The following ITPKB variants were observed in gnomAD, a reference collection of about 807,000 sequenced individuals.
ITPKB encodes the protein inositol-trisphosphate 3-kinase B.
A neutral mutation model predicts 69.4 loss-of-function variants in ITPKB; 13 were observed. The observed-to-expected ratio is 0.19, with a 90% confidence interval of 0.12 to 0.30. The LOEUF (loss-of-function observed/expected upper bound fraction) is 0.30. Among genes scored for constraint, ITPKB ranks in the 10% least tolerant of loss-of-function variants. ITPKB has a pLI of 1.00. For missense variants in ITPKB, 1,240 were observed against 1,250.5 expected, an observed-to-expected ratio of 0.99 and a Z score of 0.13; for synonymous variants, 584 against 513.7, an observed-to-expected ratio of 1.14 and a Z score of -1.85.
At chr1:226,729,203 G>T (rs559596834) in intron 2 of ITPKB, among the ~76,000 whole-genome samples, 7 of 152,174 alleles carry the variant, frequency 4.6e-5, no homozygotes, top group Non-Finnish European at 1.0e-4. Context: ...AGGAAATGAG[G>T]CCAGGCGCGG....
At chr1:226,672,731 T>G (rs953639889) in intron 2 of ITPKB, among the ~76,000 whole-genome samples, 4 of 152,206 alleles carry the variant, frequency 2.6e-5, no homozygotes, top group African/African-American at 7.2e-5. Context: ...AAAGAGCTGG[T>G]CCATGGGCAT....
chr1:226,704,433 C>T (rs1656754094), intron 2 of ITPKB, among the ~76,000 whole-genome samples: 2 of 152,186 alleles, frequency 1.3e-5, no homozygotes, highest in African/African-American at 4.8e-5. Flanking sequence ...AAAAGCTTCT[C>T]GTGTGTGCTA....
In ITPKB at chr1:226,637,929, T is replaced by C. The variant is rs911001617; in HGVS notation, c.2554-179A>G. Among the ~76,000 whole-genome samples, 1 of 152,228 alleles carries C rather than the reference T, an allele frequency of 6.6e-6. No individual in the cohort carries two copies. Among genetic ancestry groups the C allele is most frequent in the Non-Finnish European group, 1.5e-5 (1 of 68,030 alleles). On this transcript the variant is annotated intron_variant, in intron 6 of 7. Transcript: ENST00000429204. This position sits in a 1 kb window ranked among gnomAD's most constrained non-coding sequence, Gnocchi z 4.3. Reference sequence around the variant, plus strand: ...GCGTCTTTCTCAGCATAAATGTCAGTACCTTTGACTTTTGAAAGGACAGGG... The same window carrying C: ...GCGTCTTTCTCAGCATAAATGTCAGCACCTTTGACTTTTGAAAGGACAGGG...
intron 2 of ITPKB, among the ~76,000 whole-genome samples, chr1:226,662,276 C>T (rs1359965892): frequency 1.3e-5 from 2 of 152,156 alleles, no homozygotes; most frequent in African/African-American, 4.8e-5. Flanking sequence ...ATTTACAAAG[C>T]CAGGAATCTA....
chr1:226,700,588 C>T (rs890972266), intron 2 of ITPKB, among the ~76,000 whole-genome samples: 13 of 151,402 alleles, frequency 8.6e-5, no homozygotes, highest in African/African-American at 2.7e-4. Context: ...ATATGTGAGG[C>T]GCTTTACACA....
chr1:226,639,724 C>T, intron 5 of ITPKB, 66 bp from the exon 6 acceptor site: 1 of 1,055,522 alleles, frequency 9.5e-7, no homozygotes, highest in South Asian at 1.3e-5. Flanking sequence ...ACTGTTCTCA[C>T]CCACCCAACA....
intron 2 of ITPKB, among the ~76,000 whole-genome samples, chr1:226,664,910 C>T (rs1669468344): frequency 6.6e-6 from 1 of 152,210 alleles, no homozygotes; most frequent in Admixed American, 6.5e-5. Context: ...GTTTCCTCTT[C>T]CCTTTCCTTT....
chr1:226,660,975 G>A (rs573352576), intron 2 of ITPKB, among the ~76,000 whole-genome samples: 142 of 152,342 alleles, frequency 9.3e-4, no homozygotes, highest in Non-Finnish European at 1.5e-3. Context: ...TTTTACTTTG[G>A]TAAATGCAAA....
chr1:226,720,964 C>T (rs904996249), intron 2 of ITPKB, among the ~76,000 whole-genome samples: 2 of 151,098 alleles, frequency 1.3e-5, no homozygotes, highest in Admixed American at 6.6e-5. Context: ...ATCGCTTGAA[C>T]CCGGGCAGCA....
chr1:226,666,621 A>C (rs528861886), intron 2 of ITPKB, among the ~76,000 whole-genome samples: 1 of 152,226 alleles, frequency 6.6e-6, no homozygotes, highest in African/African-American at 2.4e-5. Context: ...CCAGTCAATC[A>C]CTAAAGTTCC....
At position 226,637,592 on chromosome 1, in the gene ITPKB, C is replaced by A; in HGVS notation, c.2625+87G>T. Reference sequence around the variant, plus strand: ...CTGGCTGCACCACCCTGAAAATGCCCGATGCCCCGGGCTTCTGGAAGGAGA... The same window carrying A: ...CTGGCTGCACCACCCTGAAAATGCCAGATGCCCCGGGCTTCTGGAAGGAGA... On this transcript the variant is annotated intron_variant, in intron 7 of 7. Coordinates refer to ENST00000429204, the MANE Select transcript of ITPKB (RefSeq NM_002221.4). The surrounding 1 kb of genome is among the most constrained non-coding windows in gnomAD (Gnocchi z 4.3). 9.3e-7 allele frequency: 1 copy of A among 1,071,928 alleles called. No individual in the cohort carries two copies. The highest frequency in any genetic ancestry group is 2.4e-5 in the East Asian group (1 of 41,060). 66.4% of individuals were successfully genotyped at this position (1,071,928 alleles called of 1,614,324 possible).
intron 2 of ITPKB, among the ~76,000 whole-genome samples, chr1:226,724,212 C>G (rs1471569894): frequency 1.3e-5 from 2 of 152,102 alleles, no homozygotes; most frequent in Non-Finnish European, 1.5e-5. Flanking sequence ...GGTGTGGGTT[C>G]AGGTCTGGCT....
At chr1:226,705,015 T>C (rs1003782087) in intron 2 of ITPKB, among the ~76,000 whole-genome samples, 13 of 152,194 alleles carry the variant, frequency 8.5e-5, no homozygotes, top group Non-Finnish European at 1.8e-4. Context: ...AGATAGGAGA[T>C]AAGAACAGCA....
intron 4 of ITPKB, among the ~76,000 whole-genome samples, chr1:226,646,465 T>G (rs1669064617): frequency 6.6e-6 from 1 of 152,064 alleles, no homozygotes; most frequent in African/African-American, 2.4e-5. Context: ...AAGCCCCCTC[T>G]TCCTCTCTCC....
chr1:226,736,969 G>T lies in ITPKB; in HGVS notation c.490C>A (p.Pro164Thr), dbSNP rs1046325684. Residue 164 changes from proline (P) to threonine (T), a missense_variant, in exon 2 of 8, where the codon CCC (proline) becomes ACC (threonine). This residue lies in a region of ITPKB where 992 missense variants were observed against 853.8 expected (regional missense o/e 1.16). Transcript: ENST00000429204. ...GCCCTGCCCAAACGCGGGCTGCGGG[G>T]CGCTTGAATGGCGGAGCTCTGTGCC... ...IQAQSSAIQA[P>T]RSPRLGRARS... 6.8e-6 allele frequency: 11 copies of T among 1,612,328 alleles called. No individual in the cohort carries two copies. The highest frequency in any genetic ancestry group is 9.3e-6 in the Non-Finnish European group (11 of 1,179,938).
In ITPKB at chr1:226,732,018, A is replaced by G. The variant is rs3768415; in HGVS notation, c.1932+3509T>C. 2.5e-4 allele frequency among the ~76,000 whole-genome samples: 37 copies of G among 150,212 alleles called. No homozygotes were observed. In the East Asian group the frequency reaches 6.5e-3, roughly 26 times the overall value. On this transcript the variant is annotated intron_variant, in intron 2 of 7. Transcript: ENST00000429204. ...ACACTTTTCAAAACCACATAAAACCATGTTAAACTGTTTGGATTTTTTACT... is the reference window on the plus strand; with the variant it reads ...ACACTTTTCAAAACCACATAAAACCGTGTTAAACTGTTTGGATTTTTTACT...
intron 2 of ITPKB, among the ~76,000 whole-genome samples, chr1:226,708,969 G>A (rs1366370832): frequency 1.3e-5 from 2 of 152,184 alleles, no homozygotes; most frequent in East Asian, 1.9e-4. Context: ...GGAGACGGAA[G>A]AAGACACTGG....
chr1:226,655,452 G>C (rs1405024619), intron 2 of ITPKB, among the ~76,000 whole-genome samples: 1 of 152,184 alleles, frequency 6.6e-6, no homozygotes, highest in Non-Finnish European at 1.5e-5. Context: ...ATGACCAGAG[G>C]CTCCTCAATC....
At position 226,637,883 on chromosome 1, in the gene ITPKB, C is replaced by T. The variant is rs1180763543; in HGVS notation, c.2554-133G>A. 2 of 683,578 alleles carry T rather than the reference C, an allele frequency of 2.9e-6. No homozygotes were observed. The highest frequency in any genetic ancestry group is 1.8e-5 in the African/African-American group (1 of 55,958). 42.3% of individuals were successfully genotyped at this position (683,578 alleles called of 1,614,324 possible). On this transcript the variant is annotated intron_variant, in intron 6 of 7. Transcript: ENST00000429204. The surrounding 1 kb of genome is among the most constrained non-coding windows in gnomAD (Gnocchi z 4.3). Reference sequence around the variant, plus strand: ...AACGCCGGACATCTAGAGGCAGCTTCCTGCGAGCAGGGCTGCTGTGGCGTC... The same window carrying T: ...AACGCCGGACATCTAGAGGCAGCTTTCTGCGAGCAGGGCTGCTGTGGCGTC...
Sources: allele counts gnomAD v4.1 joint callset (sites outside exome capture counted in the v4.1 genomes callset), GRCh38; gene constraint gnomAD v4.1.1; regional missense constraint gnomAD v4.1.1; non-coding constraint Gnocchi (gnomAD v3.1); transcripts MANE v1.5; gene names NCBI Gene and HGNC (gene_info 2026-07-23, HGNC 2026-07-21).